ZNF331: variants seen among roughly 807,000 people sequenced by gnomAD.
ZNF331 encodes the protein C2H2-like zinc finger protein rearranged in thyroid adenomas.
Under a neutral mutation model 7.0 loss-of-function variants are expected in ZNF331, and 2 were observed. The ratio of observed to expected loss-of-function variants is 0.29; its 90% CI spans 0.12 to 0.90. The LOEUF is 0.90. Ranked by LOEUF, ZNF331 falls within the 40% of genes least tolerant of loss-of-function variation. The pLI, the probability that ZNF331 is intolerant of heterozygous loss-of-function variation, is 0.58. For missense variants in ZNF331, 432 were observed against 587.7 expected, an observed-to-expected ratio of 0.74 and a Z score of 2.74; for synonymous variants, 196 against 205.4, an observed-to-expected ratio of 0.95 and a Z score of 0.39.
intron 2 of ZNF331, among the ~76,000 whole-genome samples, chr19:53,532,432 G>T (rs1024368530): frequency 5.9e-5 from 9 of 152,172 alleles, no homozygotes; most frequent in African/African-American, 2.2e-4. Flanking sequence ...GGTTTTTAAG[G>T]CGAATAGTAT....
rs1306785544 is a variant in ZNF331, at chr19:53,558,986, CACAT to C, written c.-74+3081_-74+3084del. Among the ~76,000 whole-genome samples, 5 of 151,300 alleles carry C rather than the reference CACAT, an allele frequency of 3.3e-5. No homozygotes were observed. The highest frequency in any genetic ancestry group is 1.2e-4 in the African/African-American group (5 of 41,110). On this transcript the variant is annotated intron_variant, in intron 3 of 5. Transcript: ENST00000449416. The surrounding 1 kb of genome is among the most constrained non-coding windows in gnomAD (Gnocchi z 4.5). Reference sequence around the variant, plus strand: ...TACACACCATACACACATATACACACACATACCCCATATATACACACATATACAT... The same window carrying C: ...TACACACCATACACACATATACACACACCCCATATATACACACATATACAT...
the ZNF331 span, among the ~76,000 whole-genome samples, chr19:53,513,721 G>C: frequency 0.23 from 33,806 of 147,590 alleles, 3,331 homozygotes; most frequent in Middle Eastern, 0.28. Context: ...GCACGATCTC[G>C]GCTCACTGCA....
intron 2 of ZNF331, among the ~76,000 whole-genome samples, chr19:53,531,357 T>C (rs894760059): frequency 3.3e-5 from 5 of 152,222 alleles, no homozygotes; most frequent in African/African-American, 1.2e-4. Flanking sequence ...TACTCCCCAT[T>C]GACCAAGTCT....
At chr19:53,557,495 T>C (rs1289926708) in intron 3 of ZNF331, among the ~76,000 whole-genome samples, 2 of 152,174 alleles carry the variant, frequency 1.3e-5, no homozygotes, top group Non-Finnish European at 2.9e-5. Flanking sequence ...CACGTCTTAA[T>C]ACCATCACAT....
chr19:53,516,226 G>A (rs1236337332), upstream of ZNF331, among the ~76,000 whole-genome samples: 1 of 152,012 alleles, frequency 6.6e-6, no homozygotes, highest in Non-Finnish European at 1.5e-5. Context: ...CGAGGTGGGC[G>A]GATCGCCTGA....
chr19:53,548,372 A>C (rs912376410), intron 2 of ZNF331, among the ~76,000 whole-genome samples: 1 of 151,984 alleles, frequency 6.6e-6, no homozygotes, highest in Non-Finnish European at 1.5e-5. Flanking sequence ...CAGCCTCCCA[A>C]AGTGCTGGGA....
intron 2 of ZNF331, among the ~76,000 whole-genome samples, chr19:53,553,517 A>G (rs2089151622): frequency 1.3e-5 from 2 of 152,180 alleles, no homozygotes; most frequent in Admixed American, 1.3e-4. Flanking sequence ...TAATCTCCAA[A>G]CATCTTGGGC....
intron 2 of ZNF331, among the ~76,000 whole-genome samples, chr19:53,532,788 C>A (rs1204943613): frequency 6.6e-6 from 1 of 152,068 alleles, no homozygotes; most frequent in African/African-American, 2.4e-5. Flanking sequence ...TCTAGGTTAT[C>A]CAACTTTTTT....
intron 2 of ZNF331, among the ~76,000 whole-genome samples, chr19:53,543,900 T>C (rs1327809225): frequency 6.6e-6 from 1 of 152,200 alleles, no homozygotes; most frequent in Admixed American, 6.5e-5. Flanking sequence ...TATACACCTT[T>C]TTAATCTACC....
intron 2 of ZNF331, among the ~76,000 whole-genome samples, chr19:53,531,141 C>T (rs73049574): frequency 0.091 from 13,869 of 152,102 alleles, 671 homozygotes; most frequent in Non-Finnish European, 0.11. Flanking sequence ...AACATTCTTA[C>T]GAAAAAGCAC....
the ZNF331 span, among the ~76,000 whole-genome samples, chr19:53,506,464 C>G: frequency 1.2e-3 from 168 of 143,672 alleles, 1 homozygote; most frequent in Middle Eastern, 7.0e-3. Context: ...CTCTCTCTCT[C>G]TCTCTCTCTC....
In ZNF331 at chr19:53,539,243, C is replaced by T. The variant is rs1417045161; in HGVS notation, c.-177C>T. On this transcript the variant is annotated 5_prime_UTR_variant, in exon 2 of 6. Coordinates refer to ENST00000449416, the MANE Select transcript of ZNF331 (RefSeq NM_001079906.2). This position sits in a 1 kb window ranked among gnomAD's most constrained non-coding sequence, Gnocchi z 6.1. ...CAGCATCCTTCAGAAAAAGCATCCC[C>T]GAGGAGGAAGACGAATCGTTAAACA... The T allele has an allele frequency of 3.3e-5, 5 of 152,118 alleles. No homozygotes were observed. The South Asian group carries it at 8.3e-4, about 25-fold the overall frequency. 9.4% of individuals were successfully genotyped at this position (152,118 alleles called of 1,614,324 possible).
At chr19:53,522,256 G>GTTTTTT (rs560872830) in intron 1 of ZNF331, among the ~76,000 whole-genome samples, 132 of 139,578 alleles carry the variant, frequency 9.5e-4, no homozygotes, top group Non-Finnish European at 1.2e-3. Flanking sequence ...TTCTTTCTTT[G>GTTTTTT]TTTTTTTTTT....
Position 53,577,413 on chromosome 19 carries a change from A to G in ZNF331, c.853A>G (p.Ser285Gly), listed in dbSNP as rs199607973. 3.1e-6 allele frequency: 5 copies of G among 1,614,218 alleles called. No homozygotes were observed. The highest frequency in any genetic ancestry group is 1.1e-5 in the South Asian group (1 of 91,080). ...TGGGAAGGCTTTTATTTGTGGTTCA[A>G]GCCTCATTCAGCATAAAAGAATTCA... Reference protein sequence around the residue: ...DCGKAFICGSSLIQHKRIHTG... With the variant: ...DCGKAFICGSGLIQHKRIHTG... Residue 285 changes from serine (S) to glycine (G), a missense_variant, in exon 6 of 6, where the codon AGC becomes GGC. Ser to Gly is a moderately conservative substitution (Grantham distance 56). Transcript: ENST00000449416.
intron 3 of ZNF331, among the ~76,000 whole-genome samples, chr19:53,561,984 C>CA (rs2089912289): frequency 6.6e-6 from 1 of 151,896 alleles, no homozygotes; most frequent in African/African-American, 2.4e-5. Flanking sequence ...GCCGTCTCTA[C>CA]AAAAAATACA....
the ZNF331 span, among the ~76,000 whole-genome samples, chr19:53,509,982 C>T: frequency 7.2e-5 from 11 of 152,246 alleles, no homozygotes; most frequent in South Asian, 2.1e-4. Flanking sequence ...CTCGTGAGAA[C>T]GCACTATCAG....
intron 2 of ZNF331, among the ~76,000 whole-genome samples, chr19:53,552,725 CCT>C (rs888823797): frequency 6.1e-4 from 92 of 151,964 alleles, no homozygotes; most frequent in African/African-American, 2.1e-3. Context: ...AAAGCGAGAC[CCT>C]GTTTCAAAAA....
At chr19:53,551,940 C>G (rs2089038788) in intron 2 of ZNF331, among the ~76,000 whole-genome samples, 1 of 152,108 alleles carries the variant, frequency 6.6e-6, no homozygotes, top group African/African-American at 2.4e-5. Flanking sequence ...TACAGCCTTT[C>G]AGAATTAAAT....
At chr19:53,569,512 T>C in intron 4 of ZNF331, 127 bp downstream of exon 4, 1 of 1,095,104 alleles carries the variant, frequency 9.1e-7, no homozygotes. Flanking sequence ...GCTCTTTCTA[T>C]TCCAGTGAAT....
Sources: allele counts gnomAD v4.1 joint callset (sites outside exome capture counted in the v4.1 genomes callset), GRCh38; gene constraint gnomAD v4.1.1; non-coding constraint Gnocchi (gnomAD v3.1); transcripts MANE v1.5; gene names NCBI Gene and HGNC (gene_info 2026-07-23, HGNC 2026-07-21).